The following ZMAT3 variants were observed in gnomAD, a reference collection of about 807,000 sequenced individuals.
ZMAT3 encodes zinc finger matrin-type 3.
In ZMAT3, 17 loss-of-function variants were observed where a neutral mutation model predicts 32.3. The observed-to-expected ratio is 0.53, with a 90% CI of 0.36 to 0.79. The LOEUF (loss-of-function observed/expected upper bound fraction) is 0.79. ZMAT3 is among the 30% of genes least tolerant of loss of function. The pLI is 0.00. For missense variants in ZMAT3, 329 were observed against 359.7 expected (o/e 0.91, Z 0.69); for synonymous variants, 120 against 133.1 (o/e 0.90, Z 0.68).
rs748487924 is a variant in ZMAT3, at chr3:179,025,248, T to C, written c.659-20A>G. ...GACCTGCTAAAGCAAGAGATAAAAATAATATATTCAAAATATTCATTAAGT... is the reference window on the plus strand; with the variant it reads ...GACCTGCTAAAGCAAGAGATAAAAACAATATATTCAAAATATTCATTAAGT... On this transcript the variant is annotated intron_variant, in intron 5 of 5. Coordinates refer to ENST00000311417, the MANE Select transcript of ZMAT3 (RefSeq NM_022470.4). The C allele has an allele frequency of 3.2e-6, 5 of 1,563,392 alleles. No individual in the cohort carries two copies. The South Asian group carries it at 4.6e-5, about 14-fold the overall frequency.
At chr3:179,068,943 G>A (rs1043060794) in intron 1 of ZMAT3, among the ~76,000 whole-genome samples, 11 of 152,190 alleles carry the variant, frequency 7.2e-5, no homozygotes, top group Admixed American at 1.3e-4. Context: ...AGTGCTCAGA[G>A]GCACTGTGCC....
chr3:179,060,276 A>T (rs377671417), intron 2 of ZMAT3, among the ~76,000 whole-genome samples: 1 of 152,220 alleles, frequency 6.6e-6, no homozygotes, highest in Non-Finnish European at 1.5e-5. Flanking sequence ...TTATACTTCA[A>T]TAAAGCTAGA....
At chr3:179,028,371 C>T (rs1375927733) in intron 3 of ZMAT3, among the ~76,000 whole-genome samples, 1 of 151,988 alleles carries the variant, frequency 6.6e-6, no homozygotes, top group Non-Finnish European at 1.5e-5. Context: ...TTAAAGAGAG[C>T]CTAACAGATT....
At chr3:179,053,284 TATAG>T (rs1217647787) in intron 2 of ZMAT3, among the ~76,000 whole-genome samples, 11 of 148,354 alleles carry the variant, frequency 7.4e-5, no homozygotes, top group African/African-American at 1.8e-4. Flanking sequence ...AATTTATATC[TATAG>T]ATATAGATAT....
rs1341142637 is a variant in ZMAT3, at chr3:179,020,863, G to A, written c.*4154C>T. On this transcript the variant is annotated 3_prime_UTR_variant, in exon 6 of 6. Coordinates refer to ENST00000311417, the MANE Select transcript of ZMAT3 (RefSeq NM_022470.4). ...TCAAGAGTGAAGGAAGATGTAACCA[G>A]ACATACATATCTCCCTTTCTCCCTG... 1 of 152,240 alleles carries A rather than the reference G, an allele frequency of 6.6e-6. No homozygotes were observed. Among genetic ancestry groups the A allele is most frequent in the Non-Finnish European group, 1.5e-5 (1 of 68,046 alleles). 9.4% of individuals were successfully genotyped at this position (152,240 alleles called of 1,614,324 possible).
In ZMAT3 at chr3:179,066,556, A is replaced by C. The variant is rs188140380; in HGVS notation, c.270+927T>G. ...AGAAACACCTGTGTAACAGTCTTCT[A>C]CCATACTCTCTTATTACTAGAGATT... On this transcript the variant is annotated intron_variant, in intron 2 of 5. Coordinates refer to ENST00000311417, the MANE Select transcript of ZMAT3 (RefSeq NM_022470.4). Among the ~76,000 whole-genome samples the C allele has an allele frequency of 9.2e-5, 14 of 152,362 alleles. No homozygotes were observed. The East Asian group carries it at 1.9e-3, about 21-fold the overall frequency.
chr3:179,017,882 A>G lies in ZMAT3; in HGVS notation c.*7135T>C, dbSNP rs982487011. On this transcript the variant is annotated 3_prime_UTR_variant, in exon 6 of 6. Transcript: ENST00000311417. ...GGAATGCTTTAAAGCAGGATCTGAC[A>G]TACTCCAGTAAGGCATTTCAAAGCA... 6.6e-6 allele frequency: 1 copy of G among 152,178 alleles called. No homozygotes were observed. Among genetic ancestry groups the G allele is most frequent in the Non-Finnish European group, 1.5e-5 (1 of 68,022 alleles). 9.4% of individuals were successfully genotyped at this position (152,178 alleles called of 1,614,324 possible).
chr3:179,066,854 C>T lies in ZMAT3; in HGVS notation c.270+629G>A, dbSNP rs1030850617. Among the ~76,000 whole-genome samples the T allele has an allele frequency of 3.9e-5, 6 of 152,078 alleles. No homozygotes were observed. In the South Asian group the frequency reaches 1.0e-3, roughly 26 times the overall value. ...GGTGAAAGCTTTAAATCTTAAAAAC[C>T]AGTATTAGTTTACGCTAATGGGCTA... On this transcript the variant is annotated intron_variant, in intron 2 of 5. Coordinates refer to ENST00000311417, the MANE Select transcript of ZMAT3 (RefSeq NM_022470.4).
chr3:179,022,236 T>C lies in ZMAT3; in HGVS notation c.*2781A>G, dbSNP rs1718582293. ...AACATCAAGCCCTTAAGTCGGCTGC[T>C]TTTTCTACGTATATAATGAAATTGT... On this transcript the variant is annotated 3_prime_UTR_variant, in exon 6 of 6. Transcript: ENST00000311417. 1 of 152,184 alleles carries C rather than the reference T, an allele frequency of 6.6e-6. No individual in the cohort carries two copies. Among genetic ancestry groups the C allele is most frequent in the Non-Finnish European group, 1.5e-5 (1 of 68,030 alleles). 9.4% of individuals were successfully genotyped at this position (152,184 alleles called of 1,614,324 possible).
intron 1 of ZMAT3, 137 bp from the exon 2 acceptor site, chr3:179,067,946 C>A: frequency 1.3e-6 from 1 of 798,318 alleles, no homozygotes; most frequent in Non-Finnish European, 1.9e-6. Flanking sequence ...TTTCCTTTGG[C>A]CTCATTTAGC....
At position 179,031,641 on chromosome 3, in the gene ZMAT3, C is replaced by T. The variant is rs1719200397; in HGVS notation, c.271-642G>A. On this transcript the variant is annotated intron_variant, in intron 2 of 5. Transcript: ENST00000311417. The stretch of plus-strand genomic sequence containing the variant: ...GTATCACATTGGCTGGGTGCGGTGG[C>T]TCATGCCTGTATCTCAGCACTTTGG... 2.0e-5 allele frequency among the ~76,000 whole-genome samples: 3 copies of T among 152,188 alleles called. No individual in the cohort carries two copies. The South Asian group carries it at 6.2e-4, about 32-fold the overall frequency.
chr3:179,056,833 C>G (rs1371918073), intron 2 of ZMAT3, among the ~76,000 whole-genome samples: 2 of 152,184 alleles, frequency 1.3e-5, no homozygotes, highest in Admixed American at 6.5e-5. Flanking sequence ...GGGAACTTTA[C>G]TCTTTTCACA....
chr3:179,072,208 G>C (rs983373727), upstream of ZMAT3: 1 of 152,444 alleles, frequency 6.6e-6, no homozygotes, highest in Non-Finnish European at 1.5e-5. Context: ...TAAGGCGGCT[G>C]AGTGGATCCT....
intron 2 of ZMAT3, among the ~76,000 whole-genome samples, chr3:179,066,805 T>C (rs1239834673): frequency 6.6e-6 from 1 of 152,258 alleles, no homozygotes; most frequent in African/African-American, 2.4e-5. Context: ...AAAATGGTCC[T>C]TTCCACTAGC....
intron 2 of ZMAT3, among the ~76,000 whole-genome samples, chr3:179,036,212 G>A (rs1053860848): frequency 2.6e-5 from 4 of 152,182 alleles, no homozygotes; most frequent in African/African-American, 7.2e-5. Context: ...GGAGAGTCAA[G>A]GACAAAATCC....
rs201950989 is a variant in ZMAT3 at position 179,027,734 on chromosome 3, T to C, written c.469A>G (p.Ser157Gly). Residue 157 changes from serine (S) to glycine (G), a missense_variant, in exon 4 of 6, where the codon AGT becomes GGT. Ser to Gly is a moderately conservative substitution (Grantham distance 56). Transcript: ENST00000311417. ...TGAGCCTGAGCCACAGCTGGGGAAC[T>C]GAAGGAGGCATCACAGAGCTTACAG... The part of the protein sequence containing the change: ...DYCKLCDASF[S>G]SPAVAQAHYQ... 9 of 1,614,066 alleles carry C rather than the reference T, an allele frequency of 5.6e-6. No individual in the cohort carries two copies. In the African/African-American group the frequency reaches 1.1e-4, roughly 19 times the overall value.
chr3:179,064,113 G>A (rs569067101), intron 2 of ZMAT3, among the ~76,000 whole-genome samples: 1 of 152,312 alleles, frequency 6.6e-6, no homozygotes, highest in South Asian at 2.1e-4. Flanking sequence ...CAATACCCGA[G>A]GCAATTTGAA....
chr3:179,018,658 A>G lies in ZMAT3; in HGVS notation c.*6359T>C, dbSNP rs1718392724. On this transcript the variant is annotated 3_prime_UTR_variant, in exon 6 of 6. Transcript: ENST00000311417. ...CTTTAGATTTTATCTAAAGAATCTT[A>G]TCCACAAAAAGTGGGCATAAAAATA... 1.3e-5 allele frequency: 2 copies of G among 152,168 alleles called. No individual in the cohort carries two copies. Among genetic ancestry groups the G allele is most frequent in the African/African-American group, 4.8e-5 (2 of 41,458 alleles). 9.4% of individuals were successfully genotyped at this position (152,168 alleles called of 1,614,324 possible).
intron 2 of ZMAT3, among the ~76,000 whole-genome samples, chr3:179,051,284 G>A (rs1375543849): frequency 1.3e-5 from 2 of 152,120 alleles, no homozygotes; most frequent in African/African-American, 4.8e-5. Flanking sequence ...AATGAATTCA[G>A]CAAAGTTTTA....
Sources: allele counts gnomAD v4.1 joint callset (sites outside exome capture counted in the v4.1 genomes callset), GRCh38; gene constraint gnomAD v4.1.1; transcripts MANE v1.5; gene names NCBI Gene and HGNC (gene_info 2026-07-23, HGNC 2026-07-21).